Variants in GDA observed in about 807,000 individuals in gnomAD.
GDA encodes cytoplasmic PSD-95 interactor.
In GDA, 18 loss-of-function variants were observed where a neutral mutation model predicts 59.6. The ratio of observed to expected loss-of-function variants is 0.30; its 90% CI spans 0.21 to 0.45. The LOEUF (loss-of-function observed/expected upper bound fraction) is 0.45, where lower values mean the gene tolerates loss of function less well. Among genes scored for constraint, GDA ranks in the 20% least tolerant of loss-of-function variants. GDA has a pLI of 1.00. For synonymous variants in GDA, 201 were observed against 201.1 expected (o/e 1.00, Z 0.00); for missense variants, 427 against 552.3 (o/e 0.77, Z 2.27).
At chr9:72,182,003 TA>T (rs1831283028) in intron 1 of GDA, among the ~76,000 whole-genome samples, 1 of 152,154 alleles carries the variant, frequency 6.6e-6, no homozygotes, top group Non-Finnish European at 1.5e-5. Context: ...TCTCTCTACA[TA>T]TATAGGTAGA....
Position 72,167,041 on chromosome 9 carries a change from T to C in GDA, c.123+17359T>C, listed in dbSNP as rs1044369313. 2.6e-5 allele frequency among the ~76,000 whole-genome samples: 4 copies of C among 152,236 alleles called. No individual in the cohort carries two copies. In the South Asian group the frequency reaches 6.2e-4, roughly 24 times the overall value. ...CATAGACAGGTTTTTGTTGTTGTTGTTGTTCTGTTTGTTTGTTTGTTTTTG... is the reference window on the plus strand; with the variant it reads ...CATAGACAGGTTTTTGTTGTTGTTGCTGTTCTGTTTGTTTGTTTGTTTTTG... On this transcript the variant is annotated intron_variant, in intron 1 of 13. Coordinates refer to ENST00000358399, the MANE Select transcript of GDA (RefSeq NM_004293.5).
At chr9:72,241,805 A>T (rs1276049471) in intron 11 of GDA, among the ~76,000 whole-genome samples, 2 of 152,142 alleles carry the variant, frequency 1.3e-5, no homozygotes, top group Admixed American at 6.6e-5. Flanking sequence ...AGGTGGGAGG[A>T]TCATCTGAAC....
chr9:72,219,428 G>GAAA, intron 5 of GDA, 51 bp from the exon 6 acceptor site: 1 of 1,359,508 alleles, frequency 7.4e-7, no homozygotes, highest in Non-Finnish European at 1.0e-6. Context: ...ATAAAGAAAA[G>GAAA]AAAAAAAGAA....
At chr9:72,241,684 GA>G (rs1364888623) in intron 11 of GDA, among the ~76,000 whole-genome samples, 2 of 152,108 alleles carry the variant, frequency 1.3e-5, no homozygotes, top group Admixed American at 1.3e-4. Context: ...TTGAGCCCAG[GA>G]GTTTGAGACC....
At chr9:72,158,627 T>C (rs1415514566) in intron 1 of GDA, among the ~76,000 whole-genome samples, 1 of 152,054 alleles carries the variant, frequency 6.6e-6, no homozygotes, top group African/African-American at 2.4e-5. Context: ...AATAGCACCT[T>C]GATAGAGTTG....
chr9:72,172,067 T>C (rs1427697966), intron 1 of GDA, among the ~76,000 whole-genome samples: 1 of 152,204 alleles, frequency 6.6e-6, no homozygotes, highest in Non-Finnish European at 1.5e-5. Context: ...AAAAAATTTA[T>C]GCACATGATA....
intron 4 of GDA, among the ~76,000 whole-genome samples, chr9:72,213,493 T>C (rs1835646218): frequency 6.6e-6 from 1 of 151,994 alleles, no homozygotes; most frequent in African/African-American, 2.4e-5. Flanking sequence ...TAAAAATTAC[T>C]GTTGAAAGCT....
intron 1 of GDA, among the ~76,000 whole-genome samples, chr9:72,122,835 A>T (rs1221599775): frequency 6.6e-6 from 1 of 152,132 alleles, no homozygotes; most frequent in Non-Finnish European, 1.5e-5. Context: ...GCCACCTTCC[A>T]GAACCTTTAC....
At chr9:72,201,208 T>A (rs1031859878) in intron 2 of GDA, among the ~76,000 whole-genome samples, 1 of 151,770 alleles carries the variant, frequency 6.6e-6, no homozygotes, top group South Asian at 2.1e-4. Context: ...TTTTTTTTTT[T>A]AATATGTCAA....
intron 1 of GDA, among the ~76,000 whole-genome samples, chr9:72,122,492 T>A (rs1825695225): frequency 8.7e-6 from 1 of 114,586 alleles, no homozygotes; most frequent in Non-Finnish European, 2.2e-5. Context: ...AGCCTATTAT[T>A]AATATTGTAA....
At chr9:72,235,632 G>A (rs1319148115) in intron 10 of GDA, among the ~76,000 whole-genome samples, 1 of 151,908 alleles carries the variant, frequency 6.6e-6, no homozygotes. Context: ...AGGAGGTGAA[G>A]GTTGCAGTGA....
chr9:72,192,223 C>CTTT lies in GDA; in HGVS notation c.124-3251_124-3249dup, dbSNP rs869237933. ...CTCTGACTGTGTATTTTCAAATAGC[C>CTTT]TTTTTTTTTTTTTTTTTTTTTTTTT... On this transcript the variant is annotated intron_variant, in intron 1 of 13. Coordinates refer to ENST00000358399, the MANE Select transcript of GDA (RefSeq NM_004293.5). Among the ~76,000 whole-genome samples the CTTT allele has an allele frequency of 2.0e-3, 94 of 46,278 alleles. 31 individuals are homozygous for CTTT. Among genetic ancestry groups the CTTT allele is most frequent in the Middle Eastern group, 0.056 (2 of 36 alleles). The allele number at this position is 46,278 out of a possible 152,430, so 30.4% of individuals were successfully genotyped here. A position where few individuals can be genotyped will look rare whatever the true frequency, so the allele number is the denominator to read the frequency against.
chr9:72,191,008 G>T (rs1296303493), intron 1 of GDA, among the ~76,000 whole-genome samples: 4 of 151,916 alleles, frequency 2.6e-5, no homozygotes, highest in Non-Finnish European at 5.9e-5. Flanking sequence ...AACATAAATC[G>T]AGTAGATGCG....
rs146314864 is a variant in GDA, at chr9:72,227,338, A to G, written c.823-605A>G. ...TTTTACTTTCTGAATTAATGATTAT[A>G]AGATGTTAAATTTCCTAGTTTTTAT... is the stretch of plus-strand genomic sequence containing the variant. On this transcript the variant is annotated intron_variant, in intron 8 of 13. Coordinates refer to ENST00000358399, the MANE Select transcript of GDA (RefSeq NM_004293.5). Among the ~76,000 whole-genome samples the G allele has an allele frequency of 9.1e-4, 138 of 152,308 alleles. 1 individual carries two copies. The highest frequency in any genetic ancestry group is 1.3e-3 in the Non-Finnish European group (87 of 68,030).
In GDA at chr9:72,228,028, AT is replaced by A. The variant is rs761246444; in HGVS notation, c.910del (p.Ser304LeufsTer10). The A allele has an allele frequency of 6.4e-7, 1 of 1,553,664 alleles. No homozygotes were observed. Among genetic ancestry groups the A allele is most frequent in the Admixed American group, 1.7e-5 (1 of 59,646 alleles). The part of the protein sequence containing the change: ...ERGASIAHCP[N>X]SNLSLSSGFL... ...GGAGCATCCATCGCACACTGTCCCA[AT>A]TCTAATTTATCGTAAGTAGACAATG... On this transcript the variant is annotated frameshift_variant, in exon 9 of 14. Coordinates refer to ENST00000358399, the MANE Select transcript of GDA (RefSeq NM_004293.5). LOFTEE classifies it high-confidence loss of function.
intron 1 of GDA, among the ~76,000 whole-genome samples, chr9:72,117,881 G>A (rs1825510954): frequency 6.6e-6 from 1 of 152,160 alleles, no homozygotes; most frequent in African/African-American, 2.4e-5. Flanking sequence ...CAGTCACTGA[G>A]GTCAGCTACT....
chr9:72,223,322 C>A, intron 7 of GDA, 95 bp downstream of exon 7: 1 of 690,736 alleles, frequency 1.4e-6, no homozygotes, highest in Non-Finnish European at 2.5e-6. Context: ...AGTTGTTTTA[C>A]TGAGTAATCT....
At chr9:72,244,681 G>T (rs1839965559) in intron 11 of GDA, among the ~76,000 whole-genome samples, 1 of 152,058 alleles carries the variant, frequency 6.6e-6, no homozygotes, top group South Asian at 2.1e-4. Flanking sequence ...TTTATTCAAG[G>T]TTCATTTCAC....
intron 5 of GDA, among the ~76,000 whole-genome samples, chr9:72,215,771 T>C (rs1162425058): frequency 6.6e-6 from 1 of 152,192 alleles, no homozygotes; most frequent in Non-Finnish European, 1.5e-5. Context: ...GACAGCCTAC[T>C]TTGGAAAGAT....
Sources: allele counts gnomAD v4.1 joint callset (sites outside exome capture counted in the v4.1 genomes callset), GRCh38; gene constraint gnomAD v4.1.1; transcripts MANE v1.5; gene names NCBI Gene and HGNC (gene_info 2026-07-23, HGNC 2026-07-21).